CCDC178: variants seen among roughly 807,000 people sequenced by gnomAD.
CCDC178 encodes coiled-coil domain containing 178.
A neutral mutation model predicts 117.4 loss-of-function variants in CCDC178; 126 were observed. The ratio of observed to expected loss-of-function variants is 1.07; its 90% CI spans 0.93 to 1.24. The LOEUF is 1.24. Ranked by LOEUF, CCDC178 falls within the 50% of genes most tolerant of loss-of-function variation. The probability of loss-of-function intolerance (pLI) is 0.00; values close to 1 mark genes in which losing one functional copy is unlikely to be tolerated. For missense variants in CCDC178, 1,030 were observed against 986.9 expected (o/e 1.04, Z -0.59); for synonymous variants, 283 against 313.4 (o/e 0.90, Z 1.02).
At chr18:33,145,707 A>G (rs964839100) in intron 20 of CCDC178, among the ~76,000 whole-genome samples, 1 of 152,168 alleles carries the variant, frequency 6.6e-6, no homozygotes, top group Non-Finnish European at 1.5e-5. Context: ...AAGACACTAA[A>G]TGGATGGTGT....
intron 22 of CCDC178, among the ~76,000 whole-genome samples, chr18:32,940,235 T>G (rs1191749892): frequency 6.6e-6 from 1 of 152,062 alleles, no homozygotes; most frequent in Non-Finnish European, 1.5e-5. Flanking sequence ...AAGCCCCTTT[T>G]GAATTAATGA....
intron 21 of CCDC178, among the ~76,000 whole-genome samples, chr18:33,059,254 A>T (rs531977856): frequency 1.3e-5 from 2 of 152,142 alleles, no homozygotes; most frequent in Non-Finnish European, 2.9e-5. Context: ...GGAAGTATTG[A>T]CTCAAAAGCA....
intron 8 of CCDC178, among the ~76,000 whole-genome samples, chr18:33,348,597 T>C (rs1389091177): frequency 6.6e-6 from 1 of 151,890 alleles, no homozygotes; most frequent in African/African-American, 2.4e-5. Flanking sequence ...GAATACTGAT[T>C]ATCACAGAAA....
chr18:33,425,728 T>C (rs1183403893), intron 2 of CCDC178, among the ~76,000 whole-genome samples: 2 of 152,144 alleles, frequency 1.3e-5, no homozygotes, highest in Non-Finnish European at 2.9e-5. Flanking sequence ...GGGGTGAGGA[T>C]GCTGTCTACT....
intron 20 of CCDC178, among the ~76,000 whole-genome samples, chr18:33,172,038 G>A (rs2058607229): frequency 6.6e-6 from 1 of 152,166 alleles, no homozygotes; most frequent in African/African-American, 2.4e-5. Flanking sequence ...AGCCTCCTGA[G>A]TAGCTGGGAT....
intron 10 of CCDC178, chr18:33,328,118 T>TA: frequency 3.1e-6 from 1 of 323,308 alleles, no homozygotes; most frequent in Non-Finnish European, 5.7e-6. Flanking sequence ...TTTTTTTTTT[T>TA]TTGAGACAGA....
chr18:32,986,893 A>G (rs981736294), intron 21 of CCDC178, among the ~76,000 whole-genome samples: 14 of 152,100 alleles, frequency 9.2e-5, no homozygotes, highest in Non-Finnish European at 1.5e-5. Flanking sequence ...TAGTTAAAAT[A>G]TGTGCTGTAA....
Position 33,346,289 on chromosome 18 carries a change from T to A in CCDC178, c.580A>T (p.Arg194Ter). ...AEEALKQQRS[R>*]KNMINMKIDS... The stretch of plus-strand genomic sequence containing the variant: ...ATTTTCATGTTAATCATATTCTTTC[T>A]TGATCTCTGTTGTTTTAAAGCTTCT... Residue 194 changes from arginine (R) to a stop codon, truncating the protein, a stop_gained, in exon 9 of 23, where the codon AGA becomes TGA. Coordinates refer to ENST00000383096, the MANE Select transcript of CCDC178 (RefSeq NM_001105528.4). LOFTEE classifies it high-confidence loss of function. 1 of 1,613,990 alleles carries A rather than the reference T, an allele frequency of 6.2e-7. No homozygotes were observed. Among genetic ancestry groups the A allele is most frequent in the Non-Finnish European group, 8.5e-7 (1 of 1,179,906 alleles).
chr18:32,994,973 A>G (rs531764948), intron 21 of CCDC178, among the ~76,000 whole-genome samples: 2 of 152,304 alleles, frequency 1.3e-5, no homozygotes, highest in East Asian at 3.9e-4. Context: ...TCATTTGAAA[A>G]TAGTATTTTG....
At chr18:33,013,920 T>A (rs2055926167) in intron 21 of CCDC178, among the ~76,000 whole-genome samples, 1 of 152,210 alleles carries the variant, frequency 6.6e-6, no homozygotes, top group Admixed American at 6.5e-5. Context: ...AATGGTGGAA[T>A]AAGGAGCTCC....
chr18:33,276,741 T>G (rs565817352), intron 12 of CCDC178, among the ~76,000 whole-genome samples: 1 of 152,168 alleles, frequency 6.6e-6, no homozygotes, highest in Admixed American at 6.6e-5. Context: ...AATTGGGGTG[T>G]GTTTAAGAAA....
chr18:32,999,091 C>T (rs1456005968), intron 21 of CCDC178, among the ~76,000 whole-genome samples: 1 of 152,070 alleles, frequency 6.6e-6, no homozygotes, highest in Non-Finnish European at 1.5e-5. Context: ...TTCCCTGGAC[C>T]ACAGGGGAGA....
intron 15 of CCDC178, among the ~76,000 whole-genome samples, chr18:33,232,384 G>C (rs1436711576): frequency 6.6e-6 from 1 of 152,166 alleles, no homozygotes; most frequent in Non-Finnish European, 1.5e-5. Context: ...AATGGCTTCA[G>C]TTTCATTTCC....
At chr18:33,399,246 T>C (rs548912098) in intron 3 of CCDC178, among the ~76,000 whole-genome samples, 1 of 151,722 alleles carries the variant, frequency 6.6e-6, no homozygotes, top group African/African-American at 2.4e-5. Context: ...CAGCAAGTCA[T>C]AATCTTTTCA....
intron 2 of CCDC178, among the ~76,000 whole-genome samples, chr18:33,433,128 G>A (rs2064243689): frequency 6.6e-6 from 1 of 152,182 alleles, no homozygotes; most frequent in South Asian, 2.1e-4. Flanking sequence ...TAACGTGAGG[G>A]GAGTATTGAG....
At chr18:33,191,373 A>C (rs1406977862) in intron 20 of CCDC178, among the ~76,000 whole-genome samples, 2 of 152,164 alleles carry the variant, frequency 1.3e-5, no homozygotes, top group Non-Finnish European at 2.9e-5. Context: ...TCCTAAAAAA[A>C]CTATCCCATA....
In CCDC178 at chr18:33,113,681, T is replaced by G. The variant is rs141847895; in HGVS notation, c.2239-20771A>C. 2.6e-5 allele frequency among the ~76,000 whole-genome samples: 4 copies of G among 152,190 alleles called. No individual in the cohort carries two copies. In the East Asian group the frequency reaches 7.8e-4, roughly 30 times the overall value. ...GTGAAAAAGAAATGTCTACCTATTGTGTAGTTTTGCAAAATTAGGTACATT... is the reference window on the plus strand; with the variant it reads ...GTGAAAAAGAAATGTCTACCTATTGGGTAGTTTTGCAAAATTAGGTACATT... On this transcript the variant is annotated intron_variant, in intron 20 of 22. Coordinates refer to ENST00000383096, the MANE Select transcript of CCDC178 (RefSeq NM_001105528.4).
chr18:33,270,608 A>G (rs997174485), intron 12 of CCDC178, among the ~76,000 whole-genome samples: 1 of 151,602 alleles, frequency 6.6e-6, no homozygotes, highest in African/African-American at 2.4e-5. Flanking sequence ...ATACAGAAAG[A>G]AAAGTACCAA....
At chr18:32,952,677 C>A (rs1216632802) in intron 22 of CCDC178, among the ~76,000 whole-genome samples, 2 of 151,946 alleles carry the variant, frequency 1.3e-5, no homozygotes, top group Admixed American at 6.6e-5. Context: ...TTTGGCTCTT[C>A]ATTACTTAGG....
Sources: allele counts gnomAD v4.1 joint callset (sites outside exome capture counted in the v4.1 genomes callset), GRCh38; gene constraint gnomAD v4.1.1; transcripts MANE v1.5; gene names NCBI Gene and HGNC (gene_info 2026-07-23, HGNC 2026-07-21).